The following PDS5A variants were observed in gnomAD, a reference collection of about 807,000 sequenced individuals.
PDS5A encodes the protein PDS5 cohesin associated factor A.
PDS5A carries 42 observed loss-of-function variants against 167.1 expected under a neutral mutation model. That is an observed-to-expected ratio of 0.25 (90% confidence interval 0.20 to 0.33). The LOEUF is 0.33. Ranked by LOEUF, PDS5A falls within the 10% of genes least tolerant of loss-of-function variation. The pLI, the probability that PDS5A is intolerant of heterozygous loss-of-function variation, is 1.00. For missense variants in PDS5A, 1,033 were observed against 1,605.9 expected (o/e 0.64, Z 6.10); for synonymous variants, 553 against 554.6 (o/e 1.00, Z 0.04).
chr4:39,973,231 T>C (rs1730732141), intron 2 of PDS5A: 1 of 1,380,058 alleles, frequency 7.2e-7, no homozygotes. Flanking sequence ...TAGAACAGAG[T>C]GACTCTGGAC....
chr4:39,834,340 A>G (rs1716195081), intron 32 of PDS5A, among the ~76,000 whole-genome samples: 1 of 152,188 alleles, frequency 6.6e-6, no homozygotes, highest in Non-Finnish European at 1.5e-5. Flanking sequence ...ACAAATGATA[A>G]TATCTGCTTA....
At chr4:39,841,327 C>G (rs770659114) in intron 31 of PDS5A, among the ~76,000 whole-genome samples, 2 of 151,356 alleles carry the variant, frequency 1.3e-5, no homozygotes, top group African/African-American at 2.4e-5. Context: ...TTTATAGAGA[C>G]GGGGTTTCGC....
chr4:39,854,950 A>G (rs772528312), intron 26 of PDS5A, among the ~76,000 whole-genome samples: 3 of 152,226 alleles, frequency 2.0e-5, no homozygotes, highest in African/African-American at 4.8e-5. Flanking sequence ...TTCTTACTGA[A>G]TATCAATAAA....
At chr4:39,911,214 G>T (rs1397328638) in intron 9 of PDS5A, among the ~76,000 whole-genome samples, 1 of 152,114 alleles carries the variant, frequency 6.6e-6, no homozygotes, top group Non-Finnish European at 1.5e-5. Flanking sequence ...GGCAAATCCA[G>T]AAGTTCAAAG....
At chr4:39,934,945 T>C (rs1726451375) in intron 2 of PDS5A, among the ~76,000 whole-genome samples, 1 of 152,172 alleles carries the variant, frequency 6.6e-6, no homozygotes, top group African/African-American at 2.4e-5. Context: ...ATACGTATAT[T>C]GCAAATATTT....
chr4:39,926,418 T>C (rs919078334), intron 4 of PDS5A, among the ~76,000 whole-genome samples: 2 of 151,004 alleles, frequency 1.3e-5, no homozygotes, highest in African/African-American at 4.9e-5. Flanking sequence ...CTCGGGAGGC[T>C]GAGGCAGAAG....
At position 39,833,562 on chromosome 4, in the gene PDS5A, A is replaced by AT. The variant is rs763236406; in HGVS notation, c.4010+4293dup. ...TACCAGACACCTGGCTAATTTTTCT[A>AT]TTTTTTTTGTAGATATGGGGTTTTG... On this transcript the variant is annotated intron_variant, in intron 32 of 32. Coordinates refer to ENST00000303538, the MANE Select transcript of PDS5A (RefSeq NM_001100399.2). 1.7e-3 allele frequency among the ~76,000 whole-genome samples: 261 copies of AT among 151,612 alleles called. 1 individual carries two copies. The highest frequency in any genetic ancestry group is 2.7e-3 in the Non-Finnish European group (183 of 67,894).
chr4:39,900,255 A>G (rs1722764771), intron 14 of PDS5A, among the ~76,000 whole-genome samples, 171 bp downstream of exon 14: 1 of 152,218 alleles, frequency 6.6e-6, no homozygotes, highest in Admixed American at 6.5e-5. Flanking sequence ...AGAGTTTGTT[A>G]TATTTATTTT....
chr4:39,873,150 A>G lies in PDS5A; in HGVS notation c.2278-6T>C, dbSNP rs1418478616. On this transcript the variant is annotated splice_region_variant and splice_polypyrimidine_tract_variant and intron_variant, in intron 20 of 32. Transcript: ENST00000303538. ...TTCAGACTCCTACTGAGTGGCTATA[A>G]AAATAAAACAGACAAAATTACCAAT... 2.1e-6 allele frequency: 3 copies of G among 1,456,980 alleles called. No homozygotes were observed. Among genetic ancestry groups the G allele is most frequent in the Non-Finnish European group, 1.8e-6 (2 of 1,084,208 alleles). The allele number at this position is 1,456,980 out of a possible 1,614,324, so 90.3% of individuals were successfully genotyped here.
At chr4:39,899,853 A>T (rs1479170734) in intron 14 of PDS5A, among the ~76,000 whole-genome samples, 7 of 42,708 alleles carry the variant, frequency 1.6e-4, no homozygotes, top group African/African-American at 7.5e-4. Context: ...CTGTGTATTA[A>T]AAAAAAAAAA....
intron 32 of PDS5A, chr4:39,837,647 C>A: frequency 2.1e-6 from 1 of 482,278 alleles, no homozygotes; most frequent in South Asian, 4.5e-5. Context: ...ATAAAAATTA[C>A]ACAAAGAAAA....
chr4:39,907,703 C>T (rs965640415), intron 11 of PDS5A, among the ~76,000 whole-genome samples: 2 of 151,984 alleles, frequency 1.3e-5, no homozygotes, highest in East Asian at 1.9e-4. Flanking sequence ...TCTCCTGCCT[C>T]AGCCTCCCGA....
intron 2 of PDS5A, among the ~76,000 whole-genome samples, chr4:39,966,366 T>A (rs1430007763): frequency 1.3e-5 from 2 of 152,166 alleles, no homozygotes; most frequent in Non-Finnish European, 2.9e-5. Flanking sequence ...CTGCCCTTAA[T>A]CTGTTCATCA....
At position 39,844,752 on chromosome 4, in the gene PDS5A, G is replaced by A. The variant is rs910909181; in HGVS notation, c.3452C>T (p.Thr1151Met). 3.7e-6 allele frequency: 6 copies of A among 1,613,408 alleles called. No homozygotes were observed. The highest frequency in any genetic ancestry group is 2.2e-5 in the East Asian group (1 of 44,862). The change falls in exon 30 of 33, where the codon ACG (threonine) becomes ATG (methionine). Residue 1151 changes from threonine to methionine, a missense_variant. By Grantham distance (81) the Thr-to-Met change is moderately conservative. Transcript: ENST00000303538. ...GCTTCTAACATAGGGTTTCCTTCCC[G>A]TTGCTGATAAAGGCTTATTTACTGC... Reference protein sequence around the residue: ...LGAVNKPLSATGRKPYVRSTG... With the variant: ...LGAVNKPLSAMGRKPYVRSTG...
In PDS5A at chr4:39,906,943, A is replaced by C. The variant is rs139361540; in HGVS notation, c.1233+1452T>G. ...AAAAAAAAAAAAAAAAAAAAAAAAA[A>C]CAAGCAATAAAATCTTAAGATGAAA... On this transcript the variant is annotated intron_variant, in intron 11 of 32. Transcript: ENST00000303538. Among the ~76,000 whole-genome samples the C allele has an allele frequency of 2.7e-5, 4 of 150,286 alleles. No homozygotes were observed. The East Asian group carries it at 5.8e-4, about 22-fold the overall frequency.
chr4:39,871,844 C>G (rs989182062), intron 21 of PDS5A, among the ~76,000 whole-genome samples: 3 of 152,052 alleles, frequency 2.0e-5, no homozygotes, highest in Non-Finnish European at 4.4e-5. Context: ...GCTGGGATTA[C>G]AGGCACTCGC....
chr4:39,917,850 C>A (rs902559984), intron 7 of PDS5A, among the ~76,000 whole-genome samples: 1 of 151,364 alleles, frequency 6.6e-6, no homozygotes, highest in African/African-American at 2.4e-5. Flanking sequence ...ACTGGGATTA[C>A]AGGCGTGACC....
chr4:39,961,302 T>C (rs917011842), intron 2 of PDS5A, among the ~76,000 whole-genome samples: 1 of 152,122 alleles, frequency 6.6e-6, no homozygotes, highest in Non-Finnish European at 1.5e-5. Flanking sequence ...TATTTTTTAT[T>C]TATTTATTTT....
intron 28 of PDS5A, 53 bp downstream of exon 28, chr4:39,848,798 T>A (rs1299191527): frequency 1.4e-6 from 2 of 1,461,964 alleles, no homozygotes; most frequent in Non-Finnish European, 1.9e-6. Context: ...TTGATGGTAA[T>A]TGACATTGAA....
Sources: allele counts gnomAD v4.1 joint callset (sites outside exome capture counted in the v4.1 genomes callset), GRCh38; gene constraint gnomAD v4.1.1; transcripts MANE v1.5; gene names NCBI Gene and HGNC (gene_info 2026-07-23, HGNC 2026-07-21).